The following SEL1L3 variants were observed in gnomAD, a reference collection of about 807,000 sequenced individuals.
SEL1L3 encodes the protein protein sel-1 homolog 3.
A neutral mutation model predicts 142.8 loss-of-function variants in SEL1L3; 76 were observed. The observed-to-expected ratio is 0.53, with a 90% CI of 0.44 to 0.64. SEL1L3 has a LOEUF of 0.64. Ranked by LOEUF, SEL1L3 falls within the 30% of genes least tolerant of loss-of-function variation. SEL1L3 has a pLI of 0.00. For synonymous variants in SEL1L3, 504 were observed against 519.6 expected, an observed-to-expected ratio of 0.97 and a Z score of 0.41; for missense variants, 1,262 against 1,381.7, an observed-to-expected ratio of 0.91 and a Z score of 1.37.
intron 16 of SEL1L3, chr4:25,777,896 A>G (rs1423854188): frequency 6.6e-6 from 3 of 455,984 alleles, no homozygotes; most frequent in African/African-American, 2.0e-5. Flanking sequence ...CTTTTTCTGT[A>G]AAGAGCAGGA....
chr4:25,729,666 A>G, the SEL1L3 span, among the ~76,000 whole-genome samples: 2 of 152,182 alleles, frequency 1.3e-5, no homozygotes, highest in Non-Finnish European at 2.9e-5. Context: ...GTGAGCCGAG[A>G]TCGCGGCACT....
chr4:25,721,693 C>A, the SEL1L3 span, among the ~76,000 whole-genome samples: 1 of 152,186 alleles, frequency 6.6e-6, no homozygotes, highest in Non-Finnish European at 1.5e-5. Flanking sequence ...GGGAAATTCA[C>A]AGGAGGAAGG....
intron 3 of SEL1L3, among the ~76,000 whole-genome samples, chr4:25,833,784 C>T (rs1184058845): frequency 2.0e-5 from 3 of 152,148 alleles, no homozygotes; most frequent in African/African-American, 7.2e-5. Context: ...CTTCATTGTA[C>T]AAAACTAGCA....
At chr4:25,813,277 A>T (rs552021370) in intron 9 of SEL1L3, among the ~76,000 whole-genome samples, 1 of 152,342 alleles carries the variant, frequency 6.6e-6, no homozygotes, top group African/African-American at 2.4e-5. Context: ...GTTATTCACA[A>T]TAGTCAAGGG....
At chr4:25,777,858 A>G (rs1560292189) in intron 16 of SEL1L3, 1 of 456,214 alleles carries the variant, frequency 2.2e-6, no homozygotes, top group South Asian at 1.5e-5. Flanking sequence ...TATCAGTGTG[A>G]GGGTGGCCTA....
At position 25,823,117 on chromosome 4, in the gene SEL1L3, G is replaced by C. The variant is rs113020900; in HGVS notation, c.1158-989C>G. On this transcript the variant is annotated intron_variant, in intron 6 of 23. Coordinates refer to ENST00000399878, the MANE Select transcript of SEL1L3 (RefSeq NM_015187.5). ...AATTATCTCCCCATGGGGTGGTGGG[G>C]GGTTGGGATGAAGTGCATGAGGGTA... Among the ~76,000 whole-genome samples, 753 of 152,326 alleles carry C rather than the reference G, an allele frequency of 4.9e-3. 7 individuals carry two copies. Among genetic ancestry groups the C allele is most frequent in the African/African-American group, 0.017 (707 of 41,576 alleles).
intron 5 of SEL1L3, among the ~76,000 whole-genome samples, chr4:25,832,073 C>T (rs1404658796): frequency 6.6e-6 from 1 of 152,166 alleles, no homozygotes; most frequent in African/African-American, 2.4e-5. Flanking sequence ...ATGTGGACCA[C>T]CGCTATGTCA....
At position 25,790,452 on chromosome 4, in the gene SEL1L3, T is replaced by G; in HGVS notation, c.2076+3A>C. On this transcript the variant is annotated splice_donor_region_variant and intron_variant, in intron 12 of 23. Transcript: ENST00000399878. ...TCCCCAAGACAGTAGCCTGCGTTTT[T>G]ACCTGAGCTGCTGCATTGCCTCGGG... The G allele has an allele frequency of 6.2e-7, 1 of 1,613,788 alleles. No individual in the cohort carries two copies. Among genetic ancestry groups the G allele is most frequent in the Non-Finnish European group, 8.5e-7 (1 of 1,179,750 alleles).
upstream of SEL1L3, among the ~76,000 whole-genome samples, chr4:25,863,226 C>A (rs1717873628): frequency 8.8e-6 from 1 of 113,138 alleles, no homozygotes; most frequent in Non-Finnish European, 1.9e-5. Flanking sequence ...CCCCGGCGCA[C>A]CCCCCTTTCC....
At chr4:25,756,466 A>T in intron 23 of SEL1L3, 3 of 985,260 alleles carry the variant, frequency 3.0e-6, no homozygotes, top group Non-Finnish European at 3.6e-6. Flanking sequence ...TCATTTTGGT[A>T]AGTATCTTAC....
chr4:25,762,353 A>G (rs748653130), intron 20 of SEL1L3, among the ~76,000 whole-genome samples: 1 of 152,248 alleles, frequency 6.6e-6, no homozygotes, highest in African/African-American at 2.4e-5. Context: ...TATTCATTGT[A>G]GCACTAGCTG....
chr4:25,797,961 T>C (rs531776416), intron 11 of SEL1L3, among the ~76,000 whole-genome samples: 1 of 152,062 alleles, frequency 6.6e-6, no homozygotes, highest in South Asian at 2.1e-4. Context: ...GGGGGTGACA[T>C]CTGAGCAAGA....
chr4:25,756,780 A>C (rs1717992616), intron 23 of SEL1L3: 1 of 1,181,112 alleles, frequency 8.5e-7, no homozygotes. Flanking sequence ...CGTGTGGCCG[A>C]GGATTTTTAT....
At position 25,826,231 on chromosome 4, in the gene SEL1L3, T is replaced by C. The variant is rs77465674; in HGVS notation, c.1157+3867A>G. On this transcript the variant is annotated intron_variant, in intron 6 of 23. Transcript: ENST00000399878. Reference sequence around the variant, plus strand: ...TTGAATAAATGAATGAATTTAACGCTATAGAGGCCTGAAGCTGTCACCTGT... The same window carrying C: ...TTGAATAAATGAATGAATTTAACGCCATAGAGGCCTGAAGCTGTCACCTGT... 7.0e-3 allele frequency among the ~76,000 whole-genome samples: 1,067 copies of C among 152,314 alleles called. 14 individuals carry two copies. The highest frequency in any genetic ancestry group is 0.024 in the African/African-American group (1,006 of 41,558).
At chr4:25,812,072 A>G (rs1714070579) in intron 9 of SEL1L3, among the ~76,000 whole-genome samples, 1 of 152,214 alleles carries the variant, frequency 6.6e-6, no homozygotes, top group African/African-American at 2.4e-5. Context: ...GAAGGATCCA[A>G]CTTATACTTT....
chr4:25,857,746 T>C (rs1717367057), intron 1 of SEL1L3, among the ~76,000 whole-genome samples: 1 of 152,222 alleles, frequency 6.6e-6, no homozygotes, highest in Non-Finnish European at 1.5e-5. Flanking sequence ...CCAAAGATGA[T>C]GCCCTCAACT....
In SEL1L3 at chr4:25,748,522, G is replaced by A. The variant is rs529048834; in HGVS notation, c.3302C>T (p.Thr1101Ile). The part of the protein sequence containing the change: ...PPRPSQASPD[T>I]ATSTASPAVT... Reference sequence around the variant, plus strand: ...AGCTGGACTTGCAGTGGACGTGGCAGTGTCTGGGGAGGCCTGGGATGGTCT... The same window carrying A: ...AGCTGGACTTGCAGTGGACGTGGCAATGTCTGGGGAGGCCTGGGATGGTCT... The change falls in exon 24 of 24, where the codon ACT (threonine) becomes ATT (isoleucine). Residue 1101 changes from threonine (T) to isoleucine (I), a missense_variant. Thr to Ile is a moderately conservative substitution (Grantham distance 89, BLOSUM62 -1). Transcript: ENST00000399878. 1.9e-5 allele frequency: 30 copies of A among 1,611,930 alleles called. No homozygotes were observed. The Middle Eastern group carries it at 6.6e-4, about 35-fold the overall frequency.
chr4:25,757,853 G>T, intron 21 of SEL1L3, 63 bp from the exon 22 acceptor site: 1 of 1,129,842 alleles, frequency 8.9e-7, no homozygotes, highest in Non-Finnish European at 1.3e-6. Flanking sequence ...ACTCAGGACT[G>T]GCATTTTCAG....
chr4:25,816,830 G>T (rs1482729895), intron 9 of SEL1L3, among the ~76,000 whole-genome samples: 1 of 152,076 alleles, frequency 6.6e-6, no homozygotes, highest in African/African-American at 2.4e-5. Context: ...CTCAGGGTCT[G>T]CTCTGCCTGC....
Sources: gnomAD v4.1 joint callset for allele counts (sites outside exome capture counted in the v4.1 genomes callset) on GRCh38, gnomAD v4.1.1 for gene constraint, MANE v1.5 for transcripts, NCBI Gene and HGNC (gene_info 2026-07-23, HGNC 2026-07-21) for gene names.